Variants in AFF1 observed in about 807,000 individuals in gnomAD.
AFF1 encodes the protein AF4/FMR2 family member 1.
AFF1 carries 48 observed loss-of-function variants against 121.7 expected under a neutral mutation model. The ratio of observed to expected loss-of-function variants is 0.39; its 90% CI spans 0.31 to 0.50. The LOEUF is 0.50. Among genes scored for constraint, AFF1 ranks in the 20% least tolerant of loss-of-function variants. The pLI is 0.76. For missense variants in AFF1, 1,523 were observed against 1,511.7 expected (o/e 1.01, Z -0.12); for synonymous variants, 613 against 563.0 (o/e 1.09, Z -1.26).
At chr4:86,963,279 C>T (rs1216802687) in intron 2 of AFF1, among the ~76,000 whole-genome samples, 1 of 150,934 alleles carries the variant, frequency 6.6e-6, no homozygotes, top group South Asian at 2.1e-4. Context: ...TCATATATTT[C>T]CTTCAGGTTA....
In AFF1 at chr4:86,985,166, A is replaced by G. The variant is rs1298626496; in HGVS notation, c.38+36595A>G. On this transcript the variant is annotated intron_variant, in intron 2 of 20. Coordinates refer to ENST00000395146, the MANE Select transcript of AFF1 (RefSeq NM_001166693.3). Reference sequence around the variant, plus strand: ...TGCATAATATATAAAAATATAATATATATAATATGTATTACTATATATATA... The same window carrying G: ...TGCATAATATATAAAAATATAATATGTATAATATGTATTACTATATATATA... 7.8e-4 allele frequency among the ~76,000 whole-genome samples: 69 copies of G among 88,436 alleles called. 1 individual carries two copies. Among genetic ancestry groups the G allele is most frequent in the African/African-American group, 3.2e-3 (62 of 19,448 alleles). 58.0% of individuals were successfully genotyped at this position (88,436 alleles called of 152,430 possible). A position where few individuals can be genotyped will look rare whatever the true frequency, so the allele number is the denominator to read the frequency against.
At chr4:87,065,609 G>A (rs942487904) in intron 4 of AFF1, among the ~76,000 whole-genome samples, 8 of 152,034 alleles carry the variant, frequency 5.3e-5, no homozygotes, top group South Asian at 4.1e-4. Flanking sequence ...AGAAATGACC[G>A]AAGTTTGGGA....
At chr4:86,985,331 C>T (rs1323418563) in intron 2 of AFF1, among the ~76,000 whole-genome samples, 1 of 149,990 alleles carries the variant, frequency 6.7e-6, no homozygotes, top group Non-Finnish European at 1.5e-5. Context: ...GCCAACATGG[C>T]AAAACCCTGT....
chr4:86,963,516 T>A (rs544528878), intron 2 of AFF1, among the ~76,000 whole-genome samples: 1 of 152,344 alleles, frequency 6.6e-6, no homozygotes, highest in Admixed American at 6.5e-5. Flanking sequence ...TAGGTTACTA[T>A]GTGCATCTAC....
In AFF1 at chr4:86,949,868, A is replaced by G. The variant is rs938513082; in HGVS notation, c.38+1297A>G. 6 of 1,613,856 alleles carry G rather than the reference A, an allele frequency of 3.7e-6. No homozygotes were observed. In the African/African-American group the frequency reaches 5.3e-5, roughly 14 times the overall value. On this transcript the variant is annotated intron_variant, in intron 2 of 20. Transcript: ENST00000395146. The stretch of plus-strand genomic sequence containing the variant: ...GTAGGTGTAGTTGGGGCAGGACACC[A>G]GCAGGAAGAGCCACGTGAAGGGGTT...
At chr4:86,943,892 C>T (rs548444332) in intron 1 of AFF1, among the ~76,000 whole-genome samples, 5 of 151,800 alleles carry the variant, frequency 3.3e-5, no homozygotes, top group African/African-American at 1.2e-4. Context: ...AACCCTGAAG[C>T]GGAGGTTGTG....
chr4:86,949,089 A>G (rs1181280621), intron 2 of AFF1, among the ~76,000 whole-genome samples: 2 of 152,112 alleles, frequency 1.3e-5, no homozygotes, highest in African/African-American at 2.4e-5. Flanking sequence ...GCAGTTTTAC[A>G]TAATAACTCA....
chr4:87,074,851 T>C (rs1026478423), intron 4 of AFF1, among the ~76,000 whole-genome samples: 2 of 152,252 alleles, frequency 1.3e-5, no homozygotes, highest in Non-Finnish European at 2.9e-5. Context: ...CATATTCTTA[T>C]CAAGTGAGTG....
intron 4 of AFF1, among the ~76,000 whole-genome samples, chr4:87,062,729 CTTAG>C (rs989205790): frequency 2.5e-4 from 35 of 139,730 alleles, no homozygotes; most frequent in Middle Eastern, 3.5e-3. Context: ...ATATTAATCA[CTTAG>C]TTAGATAGAA....
At chr4:86,993,117 C>G (rs565539522) in intron 2 of AFF1, among the ~76,000 whole-genome samples, 51 of 152,272 alleles carry the variant, frequency 3.3e-4, no homozygotes, top group Non-Finnish European at 5.6e-4. Flanking sequence ...ATAAAACTCC[C>G]CTAACTTTTT....
rs995599876 is a variant in AFF1, at chr4:87,137,441, G to A, written c.*1740G>A. The A allele has an allele frequency of 4.3e-6, 1 of 231,048 alleles. No homozygotes were observed. The highest frequency in any genetic ancestry group is 1.8e-4 in the South Asian group (1 of 5,504). The allele number at this position is 231,048 out of a possible 1,614,324, so 14.3% of individuals were successfully genotyped here. A position where few individuals can be genotyped will look rare whatever the true frequency, so the allele number is the denominator to read the frequency against. On this transcript the variant is annotated 3_prime_UTR_variant, in exon 21 of 21. Coordinates refer to ENST00000395146, the MANE Select transcript of AFF1 (RefSeq NM_001166693.3). Reference sequence around the variant, plus strand: ...TTATCTCTCACAGTGTGAGTGGTCTGTGTGAGGCTGTTCCTTCAGTTTCTT... The same window carrying A: ...TTATCTCTCACAGTGTGAGTGGTCTATGTGAGGCTGTTCCTTCAGTTTCTT...
chr4:87,109,408 T>C (rs534510037), intron 11 of AFF1, among the ~76,000 whole-genome samples: 15 of 152,310 alleles, frequency 9.8e-5, no homozygotes, highest in African/African-American at 3.6e-4. Flanking sequence ...TTGATATGTT[T>C]TGGAGTGGAC....
At chr4:87,038,643 C>T (rs1002389270) in intron 2 of AFF1, among the ~76,000 whole-genome samples, 6 of 152,170 alleles carry the variant, frequency 3.9e-5, no homozygotes, top group African/African-American at 1.2e-4. Context: ...TCTCACCATC[C>T]TCTAAGCTGG....
chr4:86,999,786 T>C (rs1378410757), intron 2 of AFF1, among the ~76,000 whole-genome samples: 1 of 152,068 alleles, frequency 6.6e-6, no homozygotes. Context: ...AGGTGGTCAC[T>C]GGCATCATAA....
chr4:86,988,866 G>C (rs946513343), intron 2 of AFF1, among the ~76,000 whole-genome samples: 2 of 152,120 alleles, frequency 1.3e-5, no homozygotes, highest in African/African-American at 2.4e-5. Flanking sequence ...CAGATCAGAG[G>C]CCTCAAAAAT....
intron 4 of AFF1, among the ~76,000 whole-genome samples, chr4:87,073,222 G>A (rs749065000): frequency 7.3e-6 from 1 of 136,488 alleles, no homozygotes; most frequent in Non-Finnish European, 1.5e-5. Flanking sequence ...GGATGACCTT[G>A]AGCCCTTTTT....
At chr4:86,936,890 TAAG>T (rs1720052629) in intron 1 of AFF1, among the ~76,000 whole-genome samples, 1 of 152,148 alleles carries the variant, frequency 6.6e-6, no homozygotes, top group Non-Finnish European at 1.5e-5. Flanking sequence ...ACAAAATACA[TAAG>T]TAGTACGTAA....
At chr4:86,968,305 AATTC>A (rs1432130551) in intron 2 of AFF1, among the ~76,000 whole-genome samples, 3 of 152,224 alleles carry the variant, frequency 2.0e-5, no homozygotes, top group Non-Finnish European at 4.4e-5. Flanking sequence ...ACACAGTAGA[AATTC>A]AATCAATTAA....
At chr4:87,022,592 A>ATATATATATATATATATATC (rs1465084690) in intron 2 of AFF1, among the ~76,000 whole-genome samples, 5 of 99,844 alleles carry the variant, frequency 5.0e-5, no homozygotes, top group Non-Finnish European at 5.5e-5. Flanking sequence ...ATCTATCTAT[A>ATATATATATATATATATATC]TCTATCTGTG....
Sources: allele counts gnomAD v4.1 joint callset (sites outside exome capture counted in the v4.1 genomes callset), GRCh38; gene constraint gnomAD v4.1.1; transcripts MANE v1.5; gene names NCBI Gene and HGNC (gene_info 2026-07-23, HGNC 2026-07-21).